FHIT: variants seen among roughly 807,000 people sequenced by gnomAD.
The protein encoded by FHIT is fragile histidine triad diadenosine triphosphatase.
In FHIT, 19 loss-of-function variants were observed where a neutral mutation model predicts 17.9. That is an observed-to-expected ratio of 1.06 (90% confidence interval 0.74 to 1.56). The LOEUF (loss-of-function observed/expected upper bound fraction) is 1.56. Among genes scored for constraint, FHIT ranks in the 40% most tolerant of loss-of-function variants. The pLI, the probability that FHIT is intolerant of heterozygous loss-of-function variation, is 0.00. For missense variants in FHIT, 248 were observed against 189.2 expected (o/e 1.31, Z -1.82); for synonymous variants, 81 against 69.7 (o/e 1.16, Z -0.81).
intron 2 of FHIT, among the ~76,000 whole-genome samples, chr3:61,108,143 T>C (rs2036046103): frequency 6.6e-6 from 1 of 152,210 alleles, no homozygotes; most frequent in African/African-American, 2.4e-5. Flanking sequence ...TTTCATATAC[T>C]TGGCCATTCA....
At chr3:60,756,843 A>G (rs1699442731) in intron 4 of FHIT, among the ~76,000 whole-genome samples, 1 of 152,204 alleles carries the variant, frequency 6.6e-6, no homozygotes. Context: ...TTTTGTCTGT[A>G]TAGCACAAAC....
chr3:60,457,168 T>C (rs1473013847), intron 5 of FHIT, among the ~76,000 whole-genome samples: 1 of 152,040 alleles, frequency 6.6e-6, no homozygotes, highest in Non-Finnish European at 1.5e-5. Flanking sequence ...TCACACTACC[T>C]GACTTCAAAC....
chr3:60,938,478 T>C (rs1299937829), intron 3 of FHIT, among the ~76,000 whole-genome samples: 1 of 152,162 alleles, frequency 6.6e-6, no homozygotes, highest in East Asian at 1.9e-4. Context: ...AATGTCAAAG[T>C]AGTAGTCTAC....
At chr3:61,238,340 G>A (rs528515297) in intron 1 of FHIT, among the ~76,000 whole-genome samples, 18 of 152,158 alleles carry the variant, frequency 1.2e-4, no homozygotes, top group Non-Finnish European at 2.4e-4. Context: ...CAGAAGTAGT[G>A]TGGTACAGTG....
chr3:60,687,826 T>G (rs1275616236), intron 4 of FHIT, among the ~76,000 whole-genome samples: 1 of 152,198 alleles, frequency 6.6e-6, no homozygotes, highest in Non-Finnish European at 1.5e-5. Flanking sequence ...TCATGTATTT[T>G]GAGGCTGTTA....
intron 5 of FHIT, among the ~76,000 whole-genome samples, chr3:60,494,323 AGTTTT>A (rs898531807): frequency 6.6e-6 from 1 of 152,140 alleles, no homozygotes; most frequent in African/African-American, 2.4e-5. Flanking sequence ...TTTAGTGTAT[AGTTTT>A]AATTTTTATT....
At chr3:61,041,059 A>C (rs1248433112) in intron 3 of FHIT, among the ~76,000 whole-genome samples, 1 of 152,156 alleles carries the variant, frequency 6.6e-6, no homozygotes, top group Admixed American at 6.5e-5. Flanking sequence ...GAACTTACTA[A>C]AACAAGGTTT....
At chr3:60,526,666 GAAGC>G (rs1375669308) in intron 5 of FHIT, among the ~76,000 whole-genome samples, 2 of 152,216 alleles carry the variant, frequency 1.3e-5, no homozygotes, top group East Asian at 3.9e-4. Context: ...GCAAAGATGA[GAAGC>G]AAGCACTCTT....
chr3:60,524,619 G>C (rs149143584), intron 5 of FHIT, among the ~76,000 whole-genome samples: 1 of 152,174 alleles, frequency 6.6e-6, no homozygotes, highest in African/African-American at 2.4e-5. Context: ...TGGTTTTGGA[G>C]GCCAGCGTGG....
At chr3:61,195,020 G>A (rs1010109823) in intron 2 of FHIT, among the ~76,000 whole-genome samples, 2 of 150,282 alleles carry the variant, frequency 1.3e-5, no homozygotes, top group African/African-American at 2.5e-5. Flanking sequence ...TGGGGGGTGT[G>A]ATAGTGGGGG....
chr3:60,858,933 TC>T (rs1207466646), intron 3 of FHIT, among the ~76,000 whole-genome samples: 2 of 152,092 alleles, frequency 1.3e-5, no homozygotes, highest in African/African-American at 4.8e-5. Flanking sequence ...ATGATAGTGT[TC>T]CCCCAGGACA....
intron 3 of FHIT, among the ~76,000 whole-genome samples, chr3:60,835,979 T>C (rs1553743760): frequency 1.3e-5 from 2 of 152,212 alleles, no homozygotes; most frequent in Non-Finnish European, 1.5e-5. Flanking sequence ...GTGTTTTCTG[T>C]GTAGAAAATC....
rs1699684063 is a variant in FHIT, at chr3:60,356,783, G to GAA, written c.103+180075_103+180076dup. On this transcript the variant is annotated intron_variant, in intron 5 of 9. Transcript: ENST00000492590. ...AAAAAAAAAAAAAAAAAAAAAAACGGAAGAAAGAGTAAATTGTATGAATCA... is the reference window on the plus strand; with the variant it reads ...AAAAAAAAAAAAAAAAAAAAAAACGGAAAAGAAAGAGTAAATTGTATGAATCA... Among the ~76,000 whole-genome samples the GAA allele has an allele frequency of 9.4e-4, 95 of 101,032 alleles. 8 individuals carry two copies. Among genetic ancestry groups the GAA allele is most frequent in the African/African-American group, 3.7e-3 (80 of 21,346 alleles). The allele number at this position is 101,032 out of a possible 152,430, so 66.3% of individuals were successfully genotyped here.
chr3:60,378,770 A>G (rs1034704591), intron 5 of FHIT, among the ~76,000 whole-genome samples: 5 of 152,248 alleles, frequency 3.3e-5, no homozygotes, highest in African/African-American at 1.2e-4. Flanking sequence ...ACCTTCAGAC[A>G]CACTGGCCAT....
At chr3:61,081,688 C>T (rs2035141663) in intron 2 of FHIT, among the ~76,000 whole-genome samples, 2 of 152,198 alleles carry the variant, frequency 1.3e-5, no homozygotes, top group Non-Finnish European at 2.9e-5. Context: ...GTCTGTATCA[C>T]TGTGTCTTTT....
intron 5 of FHIT, among the ~76,000 whole-genome samples, chr3:60,350,206 C>T (rs1048482040): frequency 5.3e-5 from 8 of 152,058 alleles, no homozygotes; most frequent in Non-Finnish European, 8.8e-5. Context: ...CTGGAGACTC[C>T]CAACTCAGAT....
intron 1 of FHIT, among the ~76,000 whole-genome samples, chr3:61,212,995 C>T (rs1357451717): frequency 6.6e-6 from 1 of 152,100 alleles, no homozygotes; most frequent in Non-Finnish European, 1.5e-5. Context: ...TAAAAGAGCT[C>T]CTGAAGGAAG....
intron 5 of FHIT, among the ~76,000 whole-genome samples, chr3:60,289,507 A>G (rs1330127578): frequency 6.6e-6 from 1 of 152,166 alleles, no homozygotes; most frequent in African/African-American, 2.4e-5. Context: ...AACATGACAA[A>G]AAGCTTCTGA....
intron 5 of FHIT, among the ~76,000 whole-genome samples, chr3:60,361,648 A>G (rs1212002983): frequency 6.6e-6 from 1 of 152,196 alleles, no homozygotes; most frequent in Non-Finnish European, 1.5e-5. Flanking sequence ...TCAAACAAAC[A>G]AAAGACAACA....
Sources: gnomAD v4.1 joint callset for allele counts (sites outside exome capture counted in the v4.1 genomes callset) on GRCh38, gnomAD v4.1.1 for gene constraint, MANE v1.5 for transcripts, NCBI Gene and HGNC (gene_info 2026-07-23, HGNC 2026-07-21) for gene names.